OSBPL6: variants seen among roughly 807,000 people sequenced by gnomAD.
OSBPL6 encodes oxysterol binding protein like 6, also known as oxysterol-binding protein-related protein 6.
Under a neutral mutation model 125.8 loss-of-function variants are expected in OSBPL6, and 49 were observed. The ratio of observed to expected loss-of-function variants is 0.39; its 90% CI spans 0.31 to 0.49. The LOEUF (loss-of-function observed/expected upper bound fraction) is 0.49. OSBPL6 is among the 20% of genes least tolerant of loss of function. The pLI, the probability that OSBPL6 is intolerant of heterozygous loss-of-function variation, is 0.88. For synonymous variants in OSBPL6, 394 were observed against 391.8 expected (o/e 1.01, Z -0.07); for missense variants, 986 against 1,135.4 (o/e 0.87, Z 1.89).
At chr2:178,382,859 T>C (rs2154114125) in intron 16 of OSBPL6, 165 bp from the exon 17 acceptor site, 1 of 1,392,964 alleles carries the variant, frequency 7.2e-7, no homozygotes, top group East Asian at 2.5e-5. Context: ...GTTTTCTGCA[T>C]TTATTAGCAA....
chr2:178,300,071 A>G (rs971574101), intron 2 of OSBPL6, among the ~76,000 whole-genome samples: 2 of 152,254 alleles, frequency 1.3e-5, no homozygotes, highest in African/African-American at 2.4e-5. Context: ...ATGTCAAACT[A>G]TAGAGGACTA....
chr2:178,220,166 G>A (rs1446562229), intron 1 of OSBPL6, among the ~76,000 whole-genome samples: 2 of 152,118 alleles, frequency 1.3e-5, no homozygotes, highest in Admixed American at 1.3e-4. Context: ...TGTGGAAACT[G>A]GTTTGGCTGA....
chr2:178,357,964 C>G (rs557897439), intron 12 of OSBPL6, among the ~76,000 whole-genome samples: 1 of 152,308 alleles, frequency 6.6e-6, no homozygotes, highest in South Asian at 2.1e-4. Flanking sequence ...AACCATCATT[C>G]TCAGCAAACT....
intron 13 of OSBPL6, among the ~76,000 whole-genome samples, chr2:178,370,173 G>A (rs978217233): frequency 6.6e-6 from 1 of 152,198 alleles, no homozygotes; most frequent in Non-Finnish European, 1.5e-5. Context: ...GCTGAGGCAT[G>A]AGAATCACTT....
intron 2 of OSBPL6, among the ~76,000 whole-genome samples, chr2:178,290,067 A>T (rs572576256): frequency 6.6e-6 from 1 of 152,196 alleles, no homozygotes; most frequent in African/African-American, 2.4e-5. Context: ...TTTTCACTTC[A>T]TGATTTTGTC....
intron 2 of OSBPL6, among the ~76,000 whole-genome samples, chr2:178,300,984 G>C (rs1348031058): frequency 6.6e-6 from 1 of 151,930 alleles, no homozygotes; most frequent in Non-Finnish European, 1.5e-5. Context: ...AAAATAGAAA[G>C]TACAAAATGA....
At chr2:178,208,293 A>AG (rs2089646225) in intron 1 of OSBPL6, among the ~76,000 whole-genome samples, 1 of 151,872 alleles carries the variant, frequency 6.6e-6, no homozygotes, top group Admixed American at 6.6e-5. Flanking sequence ...CTAAAAAAAA[A>AG]AAAAAAGAAA....
At chr2:178,289,344 C>A (rs1426494405) in intron 2 of OSBPL6, among the ~76,000 whole-genome samples, 1 of 152,112 alleles carries the variant, frequency 6.6e-6, no homozygotes, top group Non-Finnish European at 1.5e-5. Context: ...TTTAAAAATA[C>A]ATTTCATTTG....
chr2:178,271,533 G>T (rs369558518), intron 1 of OSBPL6, among the ~76,000 whole-genome samples: 1 of 152,090 alleles, frequency 6.6e-6, no homozygotes, highest in Non-Finnish European at 1.5e-5. Context: ...ATTCAGTAAA[G>T]CTATATATGA....
chr2:178,306,184 G>A lies in OSBPL6; in HGVS notation c.-1G>A, dbSNP rs371130039. 16 of 1,604,778 alleles carry A rather than the reference G, an allele frequency of 1.0e-5. No individual in the cohort carries two copies. In the African/African-American group the frequency reaches 1.1e-4, roughly 11 times the overall value. ...CATAAAACGAGACTCTAACTGCAGC[G>A]ATGAGTTCAGATGAGAAGGGCATTT... On this transcript the variant is annotated 5_prime_UTR_variant, in exon 3 of 25. Transcript: ENST00000190611.
chr2:178,226,511 C>T (rs955513773), intron 1 of OSBPL6, among the ~76,000 whole-genome samples: 5 of 152,100 alleles, frequency 3.3e-5, no homozygotes, highest in Non-Finnish European at 7.4e-5. Flanking sequence ...ATCTCCTTGC[C>T]CTTTGGAAGC....
At chr2:178,207,122 G>T (rs139125050) in intron 1 of OSBPL6, among the ~76,000 whole-genome samples, 60 of 152,186 alleles carry the variant, frequency 3.9e-4, no homozygotes, top group African/African-American at 1.4e-3. Flanking sequence ...GTCTTGTGTG[G>T]GTGCACCTGT....
chr2:178,386,005 T>A (rs1181639800), intron 19 of OSBPL6, among the ~76,000 whole-genome samples: 1 of 152,204 alleles, frequency 6.6e-6, no homozygotes, highest in African/African-American at 2.4e-5. Flanking sequence ...CTCTACTGAG[T>A]TAAGTCAGAA....
intron 6 of OSBPL6, among the ~76,000 whole-genome samples, chr2:178,332,329 G>A (rs1982104): frequency 0.026 from 3,893 of 152,274 alleles, 236 homozygotes; most frequent in East Asian, 0.22. Context: ...TTTTAGGACC[G>A]CTAAAGATGT....
In OSBPL6 at chr2:178,361,891, G is replaced by A. The variant is rs1574970737; in HGVS notation, c.1287+76G>A. 8 of 1,566,778 alleles carry A rather than the reference G, an allele frequency of 5.1e-6. No homozygotes were observed. The East Asian group carries it at 7.0e-5, about 14-fold the overall frequency. On this transcript the variant is annotated intron_variant, in intron 13 of 24. Coordinates refer to ENST00000190611, the MANE Select transcript of OSBPL6 (RefSeq NM_032523.4). Reference sequence around the variant, plus strand: ...AAGATGAAAGATCAAAAGATGGGGGGCTGGCAGGGAGGTGGCTAGTCATGG... The same window carrying A: ...AAGATGAAAGATCAAAAGATGGGGGACTGGCAGGGAGGTGGCTAGTCATGG...
chr2:178,282,673 C>T (rs1201023527), intron 1 of OSBPL6, among the ~76,000 whole-genome samples: 1 of 152,088 alleles, frequency 6.6e-6, no homozygotes, highest in East Asian at 1.9e-4. Flanking sequence ...TGTTTTTAGA[C>T]AGAGTTTCGC....
chr2:178,247,005 T>TC (rs2091514746), intron 1 of OSBPL6, among the ~76,000 whole-genome samples: 1 of 102,612 alleles, frequency 9.7e-6, no homozygotes, highest in Non-Finnish European at 1.9e-5. Context: ...CCCTGTAACC[T>TC]GCCCCTCCCC....
At chr2:178,343,232 T>C (rs1051285772) in intron 11 of OSBPL6, among the ~76,000 whole-genome samples, 2 of 152,080 alleles carry the variant, frequency 1.3e-5, no homozygotes, top group African/African-American at 4.8e-5. Context: ...AATGAAATTA[T>C]TGCTCATGGC....
At chr2:178,270,004 G>A (rs1397514853) in intron 1 of OSBPL6, among the ~76,000 whole-genome samples, 4 of 152,264 alleles carry the variant, frequency 2.6e-5, no homozygotes, top group East Asian at 3.9e-4. Flanking sequence ...CAGGGCGGAC[G>A]ATAACACACT....
Sources: gnomAD v4.1 joint callset for allele counts (sites outside exome capture counted in the v4.1 genomes callset) on GRCh38, gnomAD v4.1.1 for gene constraint, MANE v1.5 for transcripts, NCBI Gene and HGNC (gene_info 2026-07-23, HGNC 2026-07-21) for gene names.